Variants in TRAF7 observed in about 807,000 individuals in gnomAD.
The protein encoded by TRAF7 is TNF receptor associated factor 7, also known as E3 ubiquitin-protein ligase TRAF7.
In TRAF7, 45 loss-of-function variants were observed where a neutral mutation model predicts 89.3. The ratio of observed to expected loss-of-function variants is 0.50; its 90% confidence interval spans 0.40 to 0.65. The LOEUF (loss-of-function observed/expected upper bound fraction) is 0.65. Among genes scored for constraint, TRAF7 ranks in the 30% least tolerant of loss-of-function variants. The probability of loss-of-function intolerance (pLI) is 0.00; values close to 1 mark genes in which losing one functional copy is unlikely to be tolerated. For synonymous variants in TRAF7, 406 were observed against 369.2 expected, an observed-to-expected ratio of 1.10 and a Z score of -1.14; for missense variants, 677 against 918.1, an observed-to-expected ratio of 0.74 and a Z score of 3.39.
Position 2,174,050 on chromosome 16 carries a change from T to A in TRAF7, c.1263+2T>A. 1 of 1,612,746 alleles carries A rather than the reference T, an allele frequency of 6.2e-7. No homozygotes were observed. Among genetic ancestry groups the A allele is most frequent in the Non-Finnish European group, 8.5e-7 (1 of 1,179,986 alleles). On this transcript the variant is annotated splice_donor_variant, in intron 13 of 20. Transcript: ENST00000326181. LOFTEE classifies it high-confidence loss of function. ...GGCTCCTCTGACAAGACCATCAAGG[T>A]GGGCAGGGTCCTACCTCAGTCTCTG...
rs2093130140 is a variant in TRAF7, at chr16:2,175,104, TC to T, written c.1347-3del. On this transcript the variant is annotated splice_region_variant and splice_polypyrimidine_tract_variant and intron_variant, in intron 14 of 20. Coordinates refer to ENST00000326181, the MANE Select transcript of TRAF7 (RefSeq NM_032271.3). Reference sequence around the variant, plus strand: ...CCCACCTTGACACATTGTCTCTGCTTCCCCAGGTGCAAACTCTACAGCGGCT... The same window carrying T: ...CCCACCTTGACACATTGTCTCTGCTTCCCAGGTGCAAACTCTACAGCGGCT... 1 of 1,613,666 alleles carries T rather than the reference TC, an allele frequency of 6.2e-7. No homozygotes were observed. Among genetic ancestry groups the T allele is most frequent in the African/African-American group, 1.3e-5 (1 of 74,912 alleles).
At chr16:2,173,593 C>A in intron 11 of TRAF7, 39 bp downstream of exon 11, 3 of 1,604,952 alleles carry the variant, frequency 1.9e-6, no homozygotes, top group Admixed American at 1.7e-5. Context: ...TTGTGAGACC[C>A]GGGGAGGCCG....
Position 2,177,451 on chromosome 16 carries a change from T to C in TRAF7, c.*877T>C, listed in dbSNP as rs1414268536. On this transcript the variant is annotated 3_prime_UTR_variant, in exon 21 of 21. Coordinates refer to ENST00000326181, the MANE Select transcript of TRAF7 (RefSeq NM_032271.3). ...TTTTTTTTAAGAAACGTCAAAGTTGTGCCCAACACTGTGGATCAGCAAACA... is the reference window on the plus strand; with the variant it reads ...TTTTTTTTAAGAAACGTCAAAGTTGCGCCCAACACTGTGGATCAGCAAACA... 2 of 232,906 alleles carry C rather than the reference T, an allele frequency of 8.6e-6. No individual in the cohort carries two copies. Among genetic ancestry groups the C allele is most frequent in the Non-Finnish European group, 1.7e-5 (2 of 117,854 alleles). The allele number at this position is 232,906 out of a possible 1,614,324, so 14.4% of individuals were successfully genotyped here.
Position 2,162,706 on chromosome 16 carries a change from C to T in TRAF7, c.-38-1177C>T, listed in dbSNP as rs1178014272. Reference sequence around the variant, plus strand: ...GGGCTCCTGCCTTGGGAGCTGAGCCCATGGTGTGTCCTCATGGGGTGCTGC... The same window carrying T: ...GGGCTCCTGCCTTGGGAGCTGAGCCTATGGTGTGTCCTCATGGGGTGCTGC... On this transcript the variant is annotated intron_variant, in intron 1 of 20. Transcript: ENST00000326181. The surrounding 1 kb of genome is among the most constrained non-coding windows in gnomAD (Gnocchi z 5.0). Among the ~76,000 whole-genome samples, 1 of 152,022 alleles carries T rather than the reference C, an allele frequency of 6.6e-6. No individual in the cohort carries two copies.
At chr16:2,171,178 C>CT in intron 5 of TRAF7, 86 bp from the exon 6 acceptor site, 1 of 1,134,178 alleles carries the variant, frequency 8.8e-7, no homozygotes, top group Non-Finnish European at 1.3e-6. Flanking sequence ...ACAGCCAGGC[C>CT]TGGAGCAAGA....
At chr16:2,170,407 G>A (rs1392052537) in intron 4 of TRAF7, among the ~76,000 whole-genome samples, 1 of 152,236 alleles carries the variant, frequency 6.6e-6, no homozygotes, top group African/African-American at 2.4e-5. Flanking sequence ...CCCCGGCCCA[G>A]GCCGCCCAGG....
At position 2,169,499 on chromosome 16, in the gene TRAF7, C is replaced by T. The variant is rs972490448; in HGVS notation, c.232-1115C>T. 1.3e-3 allele frequency among the ~76,000 whole-genome samples: 201 copies of T among 152,134 alleles called. 2 individuals are homozygous for T. The highest frequency in any genetic ancestry group is 4.5e-3 in the African/African-American group (186 of 41,510). On this transcript the variant is annotated intron_variant, in intron 4 of 20. Transcript: ENST00000326181. ...GGCTTTCAAGAGAGGCGGGTACCTT[C>T]TCTGTTTGCTGATAGGCCCACACAG...
intron 1 of TRAF7, among the ~76,000 whole-genome samples, chr16:2,156,603 A>T (rs943036353): frequency 6.6e-6 from 1 of 152,038 alleles, no homozygotes; most frequent in Non-Finnish European, 1.5e-5. Context: ...CAGGAGGAGC[A>T]TTCCAAGTAG....
rs369566946 is a variant in TRAF7, at chr16:2,173,284, C to T, written c.897C>T (p.His299=). The change falls in exon 10 of 21, where the codon CAC becomes CAT. Residue 299 remains histidine (H), a synonymous_variant. Coordinates refer to ENST00000326181, the MANE Select transcript of TRAF7 (RefSeq NM_032271.3). ...TGCAGCAGACGGATGACCGCTTCCACGAGATGCACGTGGCTCTGGCCCAGA... is the reference window on the plus strand; with the variant it reads ...TGCAGCAGACGGATGACCGCTTCCATGAGATGCACGTGGCTCTGGCCCAGA... ...EFLQQTDDRF[H]EMHVALAQKD... is the part of the protein sequence containing the mutation. 32 of 1,613,482 alleles carry T rather than the reference C, an allele frequency of 2.0e-5. No homozygotes were observed. Among genetic ancestry groups the T allele is most frequent in the African/African-American group, 1.6e-4 (12 of 74,912 alleles).
chr16:2,167,984 G>T, intron 3 of TRAF7, 93 bp from the exon 4 acceptor site: 1 of 1,159,908 alleles, frequency 8.6e-7, no homozygotes. Flanking sequence ...GAGCTACAGG[G>T]GACCCACAGG....
At position 2,172,452 on chromosome 16, in the gene TRAF7, C is replaced by A; in HGVS notation, c.660-13C>A. 6.2e-7 allele frequency: 1 copy of A among 1,610,570 alleles called. No homozygotes were observed. ...CTCTGGCTGAGGCCTCCCCGCATCC[C>A]GCCCTGGCACAGGGACCACGAGGGC... On this transcript the variant is annotated splice_polypyrimidine_tract_variant and intron_variant, in intron 8 of 20. Coordinates refer to ENST00000326181, the MANE Select transcript of TRAF7 (RefSeq NM_032271.3).
intron 3 of TRAF7, 76 bp downstream of exon 3, chr16:2,166,012 G>T: frequency 1.3e-6 from 2 of 1,571,770 alleles, no homozygotes; most frequent in Non-Finnish European, 1.7e-6. Flanking sequence ...TAAGGACTGA[G>T]GGACACTTCC....
rs771300220 is a variant in TRAF7 at position 2,176,602 on chromosome 16, C to T, written c.*28C>T. 2.5e-5 allele frequency: 41 copies of T among 1,613,244 alleles called. No individual in the cohort carries two copies. The East Asian group carries it at 9.1e-4, about 36-fold the overall frequency. On this transcript the variant is annotated 3_prime_UTR_variant, in exon 21 of 21. Coordinates refer to ENST00000326181, the MANE Select transcript of TRAF7 (RefSeq NM_032271.3). ...GGATCCAGGCCAGGCTGTGGTTTCC[C>T]CTGAACCAGCCCTGGACCTTTCTGA...
Position 2,170,656 on chromosome 16 carries a change from G to A in TRAF7, c.274G>A (p.Val92Ile), listed in dbSNP as rs772038414. 4 of 1,610,452 alleles carry A rather than the reference G, an allele frequency of 2.5e-6. No homozygotes were observed. In the African/African-American group the frequency reaches 4.0e-5, roughly 16 times the overall value. ...TPRRSDSAIS[V>I]RSLHSESSMS... ...CCGCCGCTCCGACTCCGCCATCTCT[G>A]TCCGCTCCCTGCACTCAGAGTCCAG... is the stretch of plus-strand genomic sequence containing the variant. The change falls in exon 5 of 21, where the codon GTC (valine) becomes ATC (isoleucine). Residue 92 changes from valine (V) to isoleucine (I), a missense_variant. Around this residue, in one of 6 missense-constraint regions of TRAF7, gnomAD observed 240 missense variants for 191.9 expected, o/e 1.25. Transcript: ENST00000326181.
chr16:2,173,459 C>A, intron 10 of TRAF7, 22 bp from the exon 11 acceptor site: 1 of 1,613,004 alleles, frequency 6.2e-7, no homozygotes, highest in Non-Finnish European at 8.5e-7. Flanking sequence ...CCAGTGACAC[C>A]CCCTCTCCTC....
Position 2,168,086 on chromosome 16 carries a change from C to G in TRAF7, c.149C>G (p.Thr50Ser). The G allele has an allele frequency of 6.2e-7, 1 of 1,611,686 alleles. No individual in the cohort carries two copies. Among genetic ancestry groups the G allele is most frequent in the Non-Finnish European group, 8.5e-7 (1 of 1,179,850 alleles). ...AVTTITKADGTSTYKQHCRTP... is the reference protein window; with the variant it reads ...AVTTITKADGSSTYKQHCRTP... ...CCCTCTTGCCTTGCAGCTGACGGGA[C>G]CAGCACCTACAAGCAGCACTGCAGG... is the stretch of plus-strand genomic sequence containing the variant. Residue 50 changes from threonine (T) to serine (S), a missense_variant, in exon 4 of 21, where the codon ACC becomes AGC. Physicochemically the swap from Thr to Ser is moderately conservative, Grantham distance 58. This residue lies in a region of TRAF7 where 240 missense variants were observed against 191.9 expected (regional missense o/e 1.25). Coordinates refer to ENST00000326181, the MANE Select transcript of TRAF7 (RefSeq NM_032271.3). This position sits in a 1 kb window ranked among gnomAD's most constrained non-coding sequence, Gnocchi z 4.1.
Position 2,175,031 on chromosome 16 carries a change from A to G in TRAF7, c.1347-80A>G, listed in dbSNP as rs2093129841. 5 of 1,578,430 alleles carry G rather than the reference A, an allele frequency of 3.2e-6. No individual in the cohort carries two copies. The South Asian group carries it at 5.6e-5, about 18-fold the overall frequency. On this transcript the variant is annotated intron_variant, in intron 14 of 20. Transcript: ENST00000326181. Reference sequence around the variant, plus strand: ...ATGCTGCTGGTTCCTGATGGCTGGCATGGACCTCGGGCCCTGCCAGGGCGG... The same window carrying G: ...ATGCTGCTGGTTCCTGATGGCTGGCGTGGACCTCGGGCCCTGCCAGGGCGG...
chr16:2,164,136 TGTGG>T, intron 2 of TRAF7, 135 bp downstream of exon 2: 1 of 588,906 alleles, frequency 1.7e-6, no homozygotes, highest in Non-Finnish European at 2.8e-6. Flanking sequence ...TGGGGGGGGG[TGTGG>T]TGTGTGTGTG....
intron 3 of TRAF7, among the ~76,000 whole-genome samples, chr16:2,166,193 C>T (rs2093086099): frequency 6.6e-6 from 1 of 152,208 alleles, no homozygotes; most frequent in South Asian, 2.1e-4. Context: ...TTCATCCCCT[C>T]TAGGGAGGCT....
Sources: gnomAD v4.1 joint callset for allele counts (sites outside exome capture counted in the v4.1 genomes callset) on GRCh38, gnomAD v4.1.1 for gene constraint, gnomAD v4.1.1 regional missense constraint, Gnocchi (gnomAD v3.1) non-coding constraint, MANE v1.5 for transcripts, NCBI Gene and HGNC (gene_info 2026-07-23, HGNC 2026-07-21) for gene names.